The following JARID2 variants were observed in gnomAD, a reference collection of about 807,000 sequenced individuals.
JARID2 encodes jumonji and AT-rich interaction domain containing 2.
A neutral mutation model predicts 125.6 loss-of-function variants in JARID2; 21 were observed. The observed-to-expected ratio is 0.17, with a 90% CI of 0.12 to 0.24. JARID2 has a LOEUF of 0.24. JARID2 is among the 10% of genes least tolerant of loss of function. The pLI is 1.00. For synonymous variants in JARID2, 736 were observed against 661.6 expected, an observed-to-expected ratio of 1.11 and a Z score of -1.73; for missense variants, 1,303 against 1,639.6, an observed-to-expected ratio of 0.79 and a Z score of 3.55.
chr6:15,412,230 G>T (rs1350651089), intron 3 of JARID2, among the ~76,000 whole-genome samples: 2 of 152,122 alleles, frequency 1.3e-5, no homozygotes, highest in Non-Finnish European at 2.9e-5. Flanking sequence ...TTTTGGGGAT[G>T]GGCTGGGGCA....
At chr6:15,353,870 G>A (rs1020164674) in intron 1 of JARID2, among the ~76,000 whole-genome samples, 9 of 152,158 alleles carry the variant, frequency 5.9e-5, no homozygotes, top group Admixed American at 2.0e-4. Context: ...TTCGTCAGTA[G>A]GAAATTCAAG....
chr6:15,490,808 A>G (rs1770114678), intron 6 of JARID2, among the ~76,000 whole-genome samples: 2 of 152,240 alleles, frequency 1.3e-5, no homozygotes, highest in Non-Finnish European at 2.9e-5. Flanking sequence ...GTTTTGAAGT[A>G]TTAGTTTTCC....
At chr6:15,514,291 T>G (rs1209429016) in intron 16 of JARID2, among the ~76,000 whole-genome samples, 1 of 152,214 alleles carries the variant, frequency 6.6e-6, no homozygotes, top group Non-Finnish European at 1.5e-5. Context: ...ACTACACACC[T>G]TAGCCTGGAA....
chr6:15,512,550 T>C (rs921654551), intron 14 of JARID2, among the ~76,000 whole-genome samples, 160 bp downstream of exon 14: 1 of 152,222 alleles, frequency 6.6e-6, no homozygotes, highest in African/African-American at 2.4e-5. Context: ...AAAGGTCTTC[T>C]AGGAATGAAA....
rs200798122 is a variant in JARID2 at position 15,321,328 on chromosome 6, GTAAC to G, written c.46-52785_46-52782del. Among the ~76,000 whole-genome samples the G allele has an allele frequency of 7.3e-3, 1,116 of 152,304 alleles. 15 individuals carry two copies. Among genetic ancestry groups the G allele is most frequent in the African/African-American group, 0.025 (1,031 of 41,560 alleles). On this transcript the variant is annotated intron_variant, in intron 1 of 17. Coordinates refer to ENST00000341776, the MANE Select transcript of JARID2 (RefSeq NM_004973.4). ...TTAATAGTTGTGAGTTGTCCACTCT[GTAAC>G]TAAGGCTAACTATGAACTAATGAAC...
chr6:15,454,567 T>C (rs1768068410), intron 4 of JARID2, among the ~76,000 whole-genome samples: 2 of 152,078 alleles, frequency 1.3e-5, no homozygotes, highest in South Asian at 4.1e-4. Context: ...AGCCTCGACC[T>C]CCTGGGCTCA....
chr6:15,335,596 C>T (rs1326772724), intron 1 of JARID2, among the ~76,000 whole-genome samples: 1 of 152,172 alleles, frequency 6.6e-6, no homozygotes, highest in Non-Finnish European at 1.5e-5. Flanking sequence ...GGTCTTGTTG[C>T]AGTTCCCCTT....
chr6:15,496,649 C>T lies in JARID2; in HGVS notation c.1424C>T (p.Pro475Leu), dbSNP rs772912534. The change falls in exon 7 of 18, where the codon CCG (proline) becomes CTG (leucine). Residue 475 changes from proline to leucine, a missense_variant. This residue lies in a region of JARID2 where 651 missense variants were observed against 581.6 expected (regional missense o/e 1.12). Transcript: ENST00000341776. ...GCCGAAGGCCCTGGCAAGAAGGCCCCGGCCGAGAGAGGTCTGCTGAACGGA... is the reference window on the plus strand; with the variant it reads ...GCCGAAGGCCCTGGCAAGAAGGCCCTGGCCGAGAGAGGTCTGCTGAACGGA... The part of the protein sequence containing the change: ...GPAEGPGKKA[P>L]AERGLLNGHV... 1.5e-5 allele frequency: 24 copies of T among 1,611,548 alleles called. No homozygotes were observed. Among genetic ancestry groups the T allele is most frequent in the Admixed American group, 1.3e-4 (8 of 59,828 alleles).
intron 5 of JARID2, among the ~76,000 whole-genome samples, chr6:15,473,432 A>G (rs1288689607): frequency 7.1e-6 from 1 of 140,496 alleles, no homozygotes; most frequent in Non-Finnish European, 1.5e-5. Flanking sequence ...AACAGGTTTC[A>G]GTGTCTCATT....
intron 2 of JARID2, among the ~76,000 whole-genome samples, chr6:15,378,708 GA>G (rs752452394): frequency 6.6e-5 from 10 of 152,124 alleles, no homozygotes; most frequent in African/African-American, 9.7e-5. Flanking sequence ...TAGGAATATT[GA>G]AAAGAAGATG....
At chr6:15,420,399 T>TAAAA (rs35773283) in intron 3 of JARID2, among the ~76,000 whole-genome samples, 289 of 143,436 alleles carry the variant, frequency 2.0e-3, no homozygotes, top group African/African-American at 6.4e-3. Context: ...CAAGACTCCA[T>TAAAA]AAAAAAAAAA....
At chr6:15,442,030 G>T (rs984796603) in intron 3 of JARID2, among the ~76,000 whole-genome samples, 1 of 151,482 alleles carries the variant, frequency 6.6e-6, no homozygotes, top group Non-Finnish European at 1.5e-5. Flanking sequence ...GATCCCCCAC[G>T]CCTGGCCTGG....
rs377617337 is a variant in JARID2 at position 15,496,190 on chromosome 6, C to T, written c.965C>T (p.Ala322Val). Reference protein sequence around the residue: ...MSSLGAGVTSAKKMREVRPSP... With the variant: ...MSSLGAGVTSVKKMREVRPSP... ...TCTCTGGGTGCAGGTGTAACCAGTGCCAAAAAGATGCGCGAGGTCAGACCT... is the reference window on the plus strand; with the variant it reads ...TCTCTGGGTGCAGGTGTAACCAGTGTCAAAAAGATGCGCGAGGTCAGACCT... Residue 322 changes from alanine to valine, a missense_variant, in exon 7 of 18, where the codon GCC becomes GTC. Ala to Val is a moderately conservative substitution (Grantham distance 64). This residue lies in a region of JARID2 where 651 missense variants were observed against 581.6 expected (regional missense o/e 1.12). Transcript: ENST00000341776. The T allele has an allele frequency of 6.2e-7, 1 of 1,613,938 alleles. No homozygotes were observed. Among genetic ancestry groups the T allele is most frequent in the Non-Finnish European group, 8.5e-7 (1 of 1,180,016 alleles).
intron 3 of JARID2, among the ~76,000 whole-genome samples, chr6:15,445,528 T>A (rs1277647459): frequency 6.6e-6 from 1 of 151,586 alleles, no homozygotes; most frequent in East Asian, 1.9e-4. Flanking sequence ...GCTTAGGGAG[T>A]GGATGGATGG....
intron 6 of JARID2, among the ~76,000 whole-genome samples, chr6:15,495,736 G>T (rs1309180449): frequency 2.0e-5 from 3 of 152,168 alleles, no homozygotes; most frequent in African/African-American, 7.2e-5. Flanking sequence ...AAGGAAGCAG[G>T]ATCTTGCTGT....
intron 3 of JARID2, among the ~76,000 whole-genome samples, chr6:15,416,697 AC>A (rs1310235061): frequency 8.9e-6 from 1 of 112,786 alleles, no homozygotes; most frequent in Non-Finnish European, 1.7e-5. Context: ...GGAGAGGGAG[AC>A]CGTGGGGAGA....
intron 3 of JARID2, among the ~76,000 whole-genome samples, chr6:15,423,915 G>T (rs73365229): frequency 6.6e-6 from 1 of 152,010 alleles, no homozygotes; most frequent in Non-Finnish European, 1.5e-5. Context: ...GTGGAGCTCC[G>T]TTTTTGTTTT....
chr6:15,296,202 C>CTAT (rs1398182659), intron 1 of JARID2, among the ~76,000 whole-genome samples: 1 of 152,052 alleles, frequency 6.6e-6, no homozygotes, highest in Non-Finnish European at 1.5e-5. Flanking sequence ...GAAGTAAATG[C>CTAT]TATTGTTTTT....
chr6:15,285,564 C>CATAT lies in JARID2; in HGVS notation c.45+38992_45+38995dup, dbSNP rs34425330. ...AAAATGACAAATAAGGAAAAAAATA[C>CATAT]ATATATATATATATAACATGAGGTA... On this transcript the variant is annotated intron_variant, in intron 1 of 17. Coordinates refer to ENST00000341776, the MANE Select transcript of JARID2 (RefSeq NM_004973.4). 5.2e-3 allele frequency among the ~76,000 whole-genome samples: 788 copies of CATAT among 150,784 alleles called. 13 individuals carry two copies. The highest frequency in any genetic ancestry group is 0.018 in the African/African-American group (750 of 41,204).
Sources: gnomAD v4.1 joint callset for allele counts (sites outside exome capture counted in the v4.1 genomes callset) on GRCh38, gnomAD v4.1.1 for gene constraint, gnomAD v4.1.1 regional missense constraint, MANE v1.5 for transcripts, NCBI Gene and HGNC (gene_info 2026-07-23, HGNC 2026-07-21) for gene names.